Variants in FBXO42 observed in about 807,000 individuals in gnomAD.
FBXO42 encodes the protein F-box protein 42.
FBXO42 carries 12 observed loss-of-function variants against 71.7 expected under a neutral mutation model. The observed-to-expected ratio is 0.17, with a 90% confidence interval of 0.11 to 0.27. FBXO42 has a LOEUF of 0.27. FBXO42 is among the 10% of genes least tolerant of loss of function. The pLI, the probability that FBXO42 is intolerant of heterozygous loss-of-function variation, is 1.00. For missense variants in FBXO42, 707 were observed against 911.9 expected, an observed-to-expected ratio of 0.78 and a Z score of 2.89; for synonymous variants, 325 against 327.5, an observed-to-expected ratio of 0.99 and a Z score of 0.08.
At chr1:16,335,637 G>A (rs574137311) in intron 1 of FBXO42, among the ~76,000 whole-genome samples, 7 of 152,064 alleles carry the variant, frequency 4.6e-5, no homozygotes, top group East Asian at 1.9e-4. Context: ...AGGCCGAGGC[G>A]GGTGGATCAC....
chr1:16,311,497 AAAAAAAATAT>A (rs1261966523), intron 2 of FBXO42, among the ~76,000 whole-genome samples: 23 of 78,166 alleles, frequency 2.9e-4, no homozygotes, highest in Non-Finnish European at 5.6e-4. Context: ...CAAAAAAAAA[AAAAAAAATAT>A]ATATATATAT....
At chr1:16,343,172 T>C (rs1380098034) in intron 1 of FBXO42, among the ~76,000 whole-genome samples, 1 of 152,222 alleles carries the variant, frequency 6.6e-6, no homozygotes, top group African/African-American at 2.4e-5. Context: ...TTCCCTATAT[T>C]AAATTTCCTC....
At chr1:16,279,843 G>GTT (rs1199990516) in intron 4 of FBXO42, among the ~76,000 whole-genome samples, 8 of 68,542 alleles carry the variant, frequency 1.2e-4, no homozygotes, top group Non-Finnish European at 2.1e-4. Flanking sequence ...GTTGACAATG[G>GTT]TTTTTTTTTT....
At chr1:16,303,353 C>T (rs1460333245) in intron 3 of FBXO42, among the ~76,000 whole-genome samples, 1 of 152,196 alleles carries the variant, frequency 6.6e-6, no homozygotes, top group African/African-American at 2.4e-5. Flanking sequence ...ATCTGTAGGA[C>T]TGTCCTATGC....
intron 3 of FBXO42, among the ~76,000 whole-genome samples, chr1:16,295,482 C>T (rs2082119218): frequency 6.6e-6 from 1 of 151,984 alleles, no homozygotes; most frequent in Non-Finnish European, 1.5e-5. Flanking sequence ...CATCTGCCTC[C>T]CAGGTGCAAG....
At chr1:16,311,944 G>A (rs1387389290) in intron 2 of FBXO42, among the ~76,000 whole-genome samples, 4 of 152,018 alleles carry the variant, frequency 2.6e-5, no homozygotes, top group African/African-American at 9.7e-5. Context: ...ATTAATAATT[G>A]TAAAATCTTG....
intron 4 of FBXO42, among the ~76,000 whole-genome samples, chr1:16,263,134 A>C (rs1299836829): frequency 1.3e-5 from 2 of 151,248 alleles, no homozygotes; most frequent in Non-Finnish European, 2.9e-5. Context: ...AACTTTATTC[A>C]TTTTTTTTTA....
At chr1:16,323,831 A>G (rs559392814) in intron 1 of FBXO42, among the ~76,000 whole-genome samples, 32 of 151,522 alleles carry the variant, frequency 2.1e-4, no homozygotes, top group Non-Finnish European at 2.9e-4. Context: ...ATAAGGGACA[A>G]GAAGGAGGAG....
intron 3 of FBXO42, among the ~76,000 whole-genome samples, chr1:16,299,679 C>A (rs991103646): frequency 9.9e-5 from 15 of 152,150 alleles, no homozygotes; most frequent in Non-Finnish European, 1.6e-4. Flanking sequence ...GAGTCTCGCT[C>A]TGTCACCCAG....
At chr1:16,347,231 T>C (rs1487821029) in intron 1 of FBXO42, among the ~76,000 whole-genome samples, 4 of 152,090 alleles carry the variant, frequency 2.6e-5, no homozygotes, top group Non-Finnish European at 5.9e-5. Context: ...AAAAAAACTT[T>C]ACAGGCCAGC....
intron 2 of FBXO42, among the ~76,000 whole-genome samples, chr1:16,309,068 T>C (rs1254236410): frequency 1.7e-5 from 2 of 120,232 alleles, no homozygotes; most frequent in African/African-American, 3.2e-5. Flanking sequence ...TTTTTTTTTT[T>C]TTTTTTTTTT....
At chr1:16,274,526 T>A (rs1473568023) in intron 4 of FBXO42, among the ~76,000 whole-genome samples, 1 of 150,884 alleles carries the variant, frequency 6.6e-6, no homozygotes, top group Non-Finnish European at 1.5e-5. Flanking sequence ...AGTTGTGCAC[T>A]TAAGATTTGC....
At chr1:16,326,400 G>C (rs2082453266) in intron 1 of FBXO42, among the ~76,000 whole-genome samples, 1 of 150,678 alleles carries the variant, frequency 6.6e-6, no homozygotes, top group African/African-American at 2.4e-5. Flanking sequence ...ATTTCTTCTT[G>C]AGGCCAGGTG....
chr1:16,313,734 T>C (rs540515192), intron 2 of FBXO42, among the ~76,000 whole-genome samples: 1 of 152,294 alleles, frequency 6.6e-6, no homozygotes, highest in East Asian at 1.9e-4. Flanking sequence ...ATCTAAAGAT[T>C]GTTCTCTGTT....
At chr1:16,261,704 ATT>A (rs34034576) in intron 4 of FBXO42, among the ~76,000 whole-genome samples, 2 of 148,332 alleles carry the variant, frequency 1.3e-5, no homozygotes, top group South Asian at 2.2e-4. Flanking sequence ...AGGTATATCA[ATT>A]TTTTTTTTTT....
In FBXO42 at chr1:16,302,519, T is replaced by C. The variant is rs571974131; in HGVS notation, c.367+3284A>G. 2.0e-5 allele frequency among the ~76,000 whole-genome samples: 3 copies of C among 152,244 alleles called. No individual in the cohort carries two copies. The East Asian group carries it at 5.8e-4, about 29-fold the overall frequency. ...GCACAGGGGAAACTGCCACCTTTTT[T>C]TCTTTTTTGAAACGGAGTCTCGCTC... On this transcript the variant is annotated intron_variant, in intron 3 of 9. Coordinates refer to ENST00000375592, the MANE Select transcript of FBXO42 (RefSeq NM_018994.3).
At chr1:16,346,687 C>CG (rs561985576) in intron 1 of FBXO42, among the ~76,000 whole-genome samples, 12 of 134,250 alleles carry the variant, frequency 8.9e-5, no homozygotes, top group African/African-American at 2.9e-4. Flanking sequence ...GACTCCGTCT[C>CG]GGGGAAAAAA....
intron 4 of FBXO42, among the ~76,000 whole-genome samples, chr1:16,273,477 G>A (rs1039815779): frequency 6.6e-6 from 1 of 152,012 alleles, no homozygotes; most frequent in Non-Finnish European, 1.5e-5. Flanking sequence ...AAGTTGACAA[G>A]TAGGAAATGA....
intron 2 of FBXO42, among the ~76,000 whole-genome samples, chr1:16,309,598 C>A (rs1162356467): frequency 6.6e-6 from 1 of 151,986 alleles, no homozygotes; most frequent in African/African-American, 2.4e-5. Flanking sequence ...AAGGCATGAT[C>A]CATGAAAGAA....
Sources: allele counts gnomAD v4.1 joint callset (sites outside exome capture counted in the v4.1 genomes callset), GRCh38; gene constraint gnomAD v4.1.1; transcripts MANE v1.5; gene names NCBI Gene and HGNC (gene_info 2026-07-23, HGNC 2026-07-21).